The following SLC22A15 variants were observed in gnomAD, a reference collection of about 807,000 sequenced individuals.
The protein encoded by SLC22A15 is flipt 1.
In SLC22A15, 45 loss-of-function variants were observed where a neutral mutation model predicts 62.7. The observed-to-expected ratio is 0.72, with a 90% CI of 0.56 to 0.92. The LOEUF is 0.92. Among genes scored for constraint, SLC22A15 ranks in the 40% least tolerant of loss-of-function variants. The pLI, the probability that SLC22A15 is intolerant of heterozygous loss-of-function variation, is 0.00. For missense variants in SLC22A15, 622 were observed against 665.6 expected, an observed-to-expected ratio of 0.93 and a Z score of 0.72; for synonymous variants, 264 against 267.0, an observed-to-expected ratio of 0.99 and a Z score of 0.11.
At chr1:116,000,283 A>G (rs1655656179) in intron 2 of SLC22A15, among the ~76,000 whole-genome samples, 1 of 152,174 alleles carries the variant, frequency 6.6e-6, no homozygotes, top group African/African-American at 2.4e-5. Flanking sequence ...TTATGTTACC[A>G]TGAAGCTTAC....
chr1:116,057,207 CA>C (rs1173401647), intron 8 of SLC22A15, among the ~76,000 whole-genome samples: 1 of 151,464 alleles, frequency 6.6e-6, no homozygotes, highest in African/African-American at 2.4e-5. Context: ...AACAAATTTA[CA>C]AGAAAAAAAC....
chr1:115,988,500 C>T (rs1169857200), intron 1 of SLC22A15, among the ~76,000 whole-genome samples: 1 of 152,070 alleles, frequency 6.6e-6, no homozygotes, highest in Non-Finnish European at 1.5e-5. Flanking sequence ...GACCATATGA[C>T]CCTTGTGTAA....
chr1:116,020,649 T>G, intron 3 of SLC22A15, 72 bp from the exon 4 acceptor site: 1 of 1,175,152 alleles, frequency 8.5e-7, no homozygotes, highest in Non-Finnish European at 1.2e-6. Context: ...TATAAGCTAA[T>G]GAATATAATT....
At position 116,046,798 on chromosome 1, in the gene SLC22A15, GA is replaced by G. The variant is rs753569615; in HGVS notation, c.1171+9412del. ...TACCCCCACTGGAGAAACTGCAGGAGAAGTTTCCCACCTTACCTGGAGCTGA... is the reference window on the plus strand; with the variant it reads ...TACCCCCACTGGAGAAACTGCAGGAGAGTTTCCCACCTTACCTGGAGCTGA... On this transcript the variant is annotated intron_variant, in intron 8 of 11. Transcript: ENST00000369503. Among the ~76,000 whole-genome samples the G allele has an allele frequency of 1.1e-4, 16 of 152,324 alleles. No individual in the cohort carries two copies. In the East Asian group the frequency reaches 3.1e-3, roughly 29 times the overall value.
chr1:116,009,902 G>A (rs192682287), intron 2 of SLC22A15, among the ~76,000 whole-genome samples: 116 of 152,272 alleles, frequency 7.6e-4, no homozygotes, highest in African/African-American at 2.5e-3. Context: ...GAGATTCTAC[G>A]AAACTCTATA....
intron 8 of SLC22A15, among the ~76,000 whole-genome samples, chr1:116,044,516 CATTGTACA>C (rs1657877082): frequency 2.0e-5 from 3 of 152,210 alleles, no homozygotes; most frequent in Admixed American, 2.0e-4. Context: ...TTCTATGGAA[CATTGTACA>C]AAAAGTACTA....
At chr1:116,026,725 T>C (rs1240093081) in intron 4 of SLC22A15, among the ~76,000 whole-genome samples, 168 bp from the exon 5 acceptor site, 1 of 152,230 alleles carries the variant, frequency 6.6e-6, no homozygotes, top group Non-Finnish European at 1.5e-5. Flanking sequence ...TTTCATTCTC[T>C]GATGTTCAAC....
At chr1:116,055,898 A>G (rs1326790195) in intron 8 of SLC22A15, among the ~76,000 whole-genome samples, 1 of 149,498 alleles carries the variant, frequency 6.7e-6, no homozygotes, top group East Asian at 2.0e-4. Context: ...TATTGATGGG[A>G]CGTATCTCAA....
intron 9 of SLC22A15, 92 bp downstream of exon 9, chr1:116,062,974 T>C (rs1557910690): frequency 1.3e-6 from 2 of 1,506,232 alleles, no homozygotes; most frequent in East Asian, 4.6e-5. Flanking sequence ...TTTCATCTGC[T>C]TCTGGAGTTA....
chr1:116,034,603 C>G (rs1657563624), intron 6 of SLC22A15, among the ~76,000 whole-genome samples: 1 of 152,152 alleles, frequency 6.6e-6, no homozygotes, highest in African/African-American at 2.4e-5. Flanking sequence ...TTCTGGGAGT[C>G]TGTATCATGT....
At chr1:116,040,932 C>T (rs574096819) in intron 8 of SLC22A15, among the ~76,000 whole-genome samples, 115 of 152,320 alleles carry the variant, frequency 7.5e-4, no homozygotes, top group African/African-American at 2.7e-3. Flanking sequence ...CCAAAGTATT[C>T]GTTGTAAATA....
chr1:116,042,212 A>G (rs1378640234), intron 8 of SLC22A15, among the ~76,000 whole-genome samples: 1 of 151,842 alleles, frequency 6.6e-6, no homozygotes, highest in Non-Finnish European at 1.5e-5. Flanking sequence ...AAAACCAAAA[A>G]TGCACAGATG....
Position 116,037,393 on chromosome 1 carries a change from G to T in SLC22A15, c.1171+5G>T. The T allele has an allele frequency of 6.2e-7, 1 of 1,603,760 alleles. No homozygotes were observed. The highest frequency in any genetic ancestry group is 8.5e-7 in the Non-Finnish European group (1 of 1,170,790). On this transcript the variant is annotated splice_donor_5th_base_variant and intron_variant, in intron 8 of 11. Coordinates refer to ENST00000369503, the MANE Select transcript of SLC22A15 (RefSeq NM_018420.3). ...TGTTTCTTCCAGAAAAGAAAGGTAT[G>T]CCTTTCAAATTTCTACAAGGGTTTT... is the stretch of plus-strand genomic sequence containing the variant.
At chr1:116,030,036 A>G (rs779822170) in intron 5 of SLC22A15, among the ~76,000 whole-genome samples, 3 of 152,204 alleles carry the variant, frequency 2.0e-5, no homozygotes, top group African/African-American at 4.8e-5. Context: ...CAACAGAACA[A>G]TGTTTTACTT....
At chr1:115,979,520 A>G (rs1403024598) in intron 1 of SLC22A15, among the ~76,000 whole-genome samples, 1 of 152,240 alleles carries the variant, frequency 6.6e-6, no homozygotes, top group Non-Finnish European at 1.5e-5. Flanking sequence ...TAAGCTTTAC[A>G]GTTAGAAACA....
intron 2 of SLC22A15, among the ~76,000 whole-genome samples, chr1:116,010,829 C>A (rs1656212049): frequency 6.6e-6 from 1 of 152,118 alleles, no homozygotes; most frequent in Non-Finnish European, 1.5e-5. Flanking sequence ...TACTGACAAG[C>A]TAGGAGTCTG....
chr1:116,013,012 A>G (rs1416500940), intron 2 of SLC22A15, among the ~76,000 whole-genome samples: 1 of 152,204 alleles, frequency 6.6e-6, no homozygotes, highest in Non-Finnish European at 1.5e-5. Context: ...CTTTATTATA[A>G]AGTCAGCTTT....
chr1:116,006,979 A>T (rs895608241), intron 2 of SLC22A15, among the ~76,000 whole-genome samples: 1 of 151,962 alleles, frequency 6.6e-6, no homozygotes, highest in African/African-American at 2.4e-5. Context: ...CATCATGTGT[A>T]GCCACTGAGA....
rs780129464 is a variant in SLC22A15 at position 116,031,455 on chromosome 1, G to A, written c.818G>A (p.Arg273His). The change falls in exon 6 of 12, where the codon CGC (arginine) becomes CAC (histidine). Residue 273 changes from arginine (R) to histidine (H), a missense_variant. Transcript: ENST00000369503. The part of the protein sequence containing the change: ...EALYLIAKRN[R>H]KLKCTFSLTH... ...CTGTACCTCATTGCCAAGAGGAACC[G>A]CAAACTCAAGTGCACGTTCTCACTA... The A allele has an allele frequency of 5.0e-6, 8 of 1,613,924 alleles. No homozygotes were observed. The highest frequency in any genetic ancestry group is 1.7e-4 in the Middle Eastern group (1 of 6,036).
Sources: gnomAD v4.1 joint callset for allele counts (sites outside exome capture counted in the v4.1 genomes callset) on GRCh38, gnomAD v4.1.1 for gene constraint, MANE v1.5 for transcripts, NCBI Gene and HGNC (gene_info 2026-07-23, HGNC 2026-07-21) for gene names.